The following KCNJ6 variants were observed in gnomAD, a reference collection of about 807,000 sequenced individuals.
KCNJ6 encodes the protein potassium inwardly rectifying channel subfamily J member 6.
Under a neutral mutation model 34.2 loss-of-function variants are expected in KCNJ6, and 9 were observed. That is an observed-to-expected ratio of 0.26 (90% CI 0.16 to 0.46). KCNJ6 has a LOEUF of 0.46. Ranked by LOEUF, KCNJ6 falls within the 20% of genes least tolerant of loss-of-function variation. The probability of loss-of-function intolerance (pLI) is 1.00; values close to 1 mark genes in which losing one functional copy is unlikely to be tolerated. For synonymous variants in KCNJ6, 196 were observed against 207.1 expected, an observed-to-expected ratio of 0.95 and a Z score of 0.46; for missense variants, 236 against 531.3, an observed-to-expected ratio of 0.44 and a Z score of 5.46.
intron 2 of KCNJ6, among the ~76,000 whole-genome samples, chr21:37,734,907 T>C (rs895057430): frequency 6.6e-6 from 1 of 152,206 alleles, no homozygotes; most frequent in African/African-American, 2.4e-5. Flanking sequence ...ATCTTGGTTC[T>C]GTGGAACGTA....
intron 2 of KCNJ6, among the ~76,000 whole-genome samples, chr21:37,773,226 T>C (rs957614574): frequency 3.3e-5 from 5 of 152,142 alleles, no homozygotes; most frequent in Non-Finnish European, 7.4e-5. Context: ...GGCTGGGAGG[T>C]AGCTCTGAGG....
At chr21:37,828,596 T>C (rs943225204) in intron 2 of KCNJ6, among the ~76,000 whole-genome samples, 2 of 152,200 alleles carry the variant, frequency 1.3e-5, no homozygotes, top group Non-Finnish European at 2.9e-5. Flanking sequence ...GAAAAGCAAA[T>C]TCCTCCAAGC....
chr21:37,731,388 A>G (rs2054884452), intron 2 of KCNJ6, among the ~76,000 whole-genome samples: 1 of 152,194 alleles, frequency 6.6e-6, no homozygotes, highest in South Asian at 2.1e-4. Flanking sequence ...GGTAAGTGGG[A>G]AGATCCTGGT....
chr21:37,841,617 TATTTACAG>T (rs1293484638), intron 1 of KCNJ6, among the ~76,000 whole-genome samples: 1 of 152,218 alleles, frequency 6.6e-6, no homozygotes, highest in Admixed American at 6.5e-5. Flanking sequence ...TACCTGTGCA[TATTTACAG>T]ATATGGGAAT....
chr21:37,727,112 G>A (rs2054858780), intron 2 of KCNJ6, among the ~76,000 whole-genome samples: 3 of 152,170 alleles, frequency 2.0e-5, no homozygotes, highest in African/African-American at 2.4e-5. Flanking sequence ...AGGAACACCC[G>A]GAGCCAACAG....
intron 3 of KCNJ6, among the ~76,000 whole-genome samples, chr21:37,708,455 G>A (rs2054732697): frequency 6.6e-6 from 1 of 152,186 alleles, no homozygotes; most frequent in South Asian, 2.1e-4. Context: ...ATTATAATGA[G>A]ATAGACATAT....
chr21:37,903,751 A>C (rs1027267308), intron 1 of KCNJ6, among the ~76,000 whole-genome samples: 5 of 152,166 alleles, frequency 3.3e-5, no homozygotes, highest in African/African-American at 1.2e-4. Flanking sequence ...AACAAAAAAA[A>C]ACGAAGAAGC....
chr21:37,661,709 G>A (rs182283009), intron 3 of KCNJ6, among the ~76,000 whole-genome samples: 15 of 133,138 alleles, frequency 1.1e-4, no homozygotes, highest in Admixed American at 4.5e-4. Flanking sequence ...TGCAAGCTCC[G>A]CCTCCCAGGT....
intron 1 of KCNJ6, among the ~76,000 whole-genome samples, chr21:37,866,683 C>A (rs1417513844): frequency 6.6e-6 from 1 of 152,134 alleles, no homozygotes. Context: ...GGTCCATTGG[C>A]AATTCCCACG....
In KCNJ6 at chr21:37,624,906, G is replaced by T; in HGVS notation, c.*253C>A. Reference sequence around the variant, plus strand: ...CCAGGAGTTGGATGTGTAGTATTTTGGGAGGAGACCAGGCTTGGGCCACAA... The same window carrying T: ...CCAGGAGTTGGATGTGTAGTATTTTTGGAGGAGACCAGGCTTGGGCCACAA... On this transcript the variant is annotated 3_prime_UTR_variant, in exon 4 of 4. Coordinates refer to ENST00000609713, the MANE Select transcript of KCNJ6 (RefSeq NM_002240.5). The T allele has an allele frequency of 1.9e-6, 1 of 522,844 alleles. No homozygotes were observed. The highest frequency in any genetic ancestry group is 3.4e-6 in the Non-Finnish European group (1 of 295,440). The allele number at this position is 522,844 out of a possible 1,614,324, so 32.4% of individuals were successfully genotyped here.
chr21:37,879,696 A>G (rs1601514199), intron 1 of KCNJ6, among the ~76,000 whole-genome samples: 1 of 149,808 alleles, frequency 6.7e-6, no homozygotes, highest in Non-Finnish European at 1.5e-5. Flanking sequence ...GAAAAACTCA[A>G]TGTCTGCCTT....
chr21:37,846,634 G>A (rs556444351), intron 1 of KCNJ6, among the ~76,000 whole-genome samples: 61 of 152,108 alleles, frequency 4.0e-4, no homozygotes, highest in Admixed American at 1.8e-3. Flanking sequence ...ATTTCAAACC[G>A]GTTATATTTG....
At chr21:37,818,042 C>T (rs1028622000) in intron 2 of KCNJ6, among the ~76,000 whole-genome samples, 3 of 152,234 alleles carry the variant, frequency 2.0e-5, no homozygotes, top group Admixed American at 2.0e-4. Context: ...TCTTCATTCT[C>T]AGCAAACCAC....
intron 3 of KCNJ6, among the ~76,000 whole-genome samples, chr21:37,704,351 A>C (rs989035191): frequency 1.3e-5 from 2 of 152,210 alleles, no homozygotes; most frequent in Non-Finnish European, 2.9e-5. Flanking sequence ...AAGCAAACAA[A>C]GCCCTGCTTT....
intron 1 of KCNJ6, among the ~76,000 whole-genome samples, chr21:37,872,467 T>C (rs1282078660): frequency 6.6e-6 from 1 of 152,230 alleles, no homozygotes; most frequent in African/African-American, 2.4e-5. Flanking sequence ...AAGTTTTCAG[T>C]GCACCCAGGA....
chr21:37,660,658 T>C (rs567122941), intron 3 of KCNJ6, among the ~76,000 whole-genome samples: 1 of 152,254 alleles, frequency 6.6e-6, no homozygotes, highest in East Asian at 1.9e-4. Context: ...TAGAAATAAT[T>C]TGGGATGGGG....
chr21:37,751,769 T>C (rs991702808), intron 2 of KCNJ6, among the ~76,000 whole-genome samples: 5 of 152,150 alleles, frequency 3.3e-5, no homozygotes, highest in African/African-American at 1.2e-4. Context: ...GATGAACTCA[T>C]CACAAACCAA....
chr21:37,874,654 G>A (rs1053730015), intron 1 of KCNJ6, among the ~76,000 whole-genome samples: 4 of 152,078 alleles, frequency 2.6e-5, no homozygotes, highest in South Asian at 2.1e-4. Flanking sequence ...CCACACCCAC[G>A]CCTACACTCA....
At chr21:37,825,513 C>T (rs973059464) in intron 2 of KCNJ6, among the ~76,000 whole-genome samples, 3 of 152,288 alleles carry the variant, frequency 2.0e-5, no homozygotes, top group African/African-American at 4.8e-5. Context: ...CTCGATCCAA[C>T]CCCATCTGTC....
Sources: allele counts gnomAD v4.1 joint callset (sites outside exome capture counted in the v4.1 genomes callset), GRCh38; gene constraint gnomAD v4.1.1; transcripts MANE v1.5; gene names NCBI Gene and HGNC (gene_info 2026-07-23, HGNC 2026-07-21).